Variants in CAMK4 observed in about 807,000 individuals in gnomAD.
CAMK4 encodes the protein calcium/calmodulin dependent protein kinase IV.
In CAMK4, 22 loss-of-function variants were observed where a neutral mutation model predicts 44.9. The ratio of observed to expected loss-of-function variants is 0.49; its 90% CI spans 0.35 to 0.70. CAMK4 has a LOEUF of 0.70. CAMK4 is among the 30% of genes least tolerant of loss of function. CAMK4 has a pLI of 0.01. For synonymous variants in CAMK4, 218 were observed against 215.4 expected, an observed-to-expected ratio of 1.01 and a Z score of -0.11; for missense variants, 498 against 586.8, an observed-to-expected ratio of 0.85 and a Z score of 1.56.
intron 1 of CAMK4, among the ~76,000 whole-genome samples, chr5:111,254,855 C>T (rs1045398398): frequency 2.6e-5 from 4 of 152,074 alleles, no homozygotes; most frequent in African/African-American, 7.2e-5. Context: ...GTCAGGTTCT[C>T]GGGATTTCCC....
intron 1 of CAMK4, among the ~76,000 whole-genome samples, chr5:111,315,123 G>A (rs1580575378): frequency 1.3e-5 from 2 of 152,196 alleles, no homozygotes; most frequent in South Asian, 4.2e-4. Context: ...TTTGAAGTGT[G>A]TGTGCATTTG....
At chr5:111,445,866 T>C (rs1306076963) in intron 5 of CAMK4, among the ~76,000 whole-genome samples, 1 of 136,384 alleles carries the variant, frequency 7.3e-6, no homozygotes, top group Non-Finnish European at 1.7e-5. Context: ...CGTTTGTAAA[T>C]GCATAGAAAA....
intron 8 of CAMK4, among the ~76,000 whole-genome samples, chr5:111,477,218 G>T (rs31622): frequency 2.6e-5 from 4 of 152,108 alleles, no homozygotes; most frequent in Admixed American, 6.5e-5. Flanking sequence ...TTGGCCCAGG[G>T]GTCTGCACTG....
At position 111,396,631 on chromosome 5, in the gene CAMK4, C is replaced by CTTTTTTTTTTTTTTTTTT. The variant is rs540495109; in HGVS notation, c.459+1859_459+1876dup. On this transcript the variant is annotated intron_variant, in intron 5 of 10. Coordinates refer to ENST00000282356, the MANE Select transcript of CAMK4 (RefSeq NM_001744.6). Reference sequence around the variant, plus strand: ...ACTTTAATTGCCATTAACTCATATTCTTTTTTTTTTTTTTTTTTTTTTTTT... The same window carrying CTTTTTTTTTTTTTTTTTT: ...ACTTTAATTGCCATTAACTCATATTCTTTTTTTTTTTTTTTTTTTTTTTTTTTTTTTTTTTTTTTTTTT... Among the ~76,000 whole-genome samples the CTTTTTTTTTTTTTTTTTT allele has an allele frequency of 1.7e-3, 80 of 47,014 alleles. 25 individuals are homozygous for CTTTTTTTTTTTTTTTTTT. Among genetic ancestry groups the CTTTTTTTTTTTTTTTTTT allele is most frequent in the Non-Finnish European group, 2.2e-3 (61 of 27,862 alleles). 30.8% of individuals were successfully genotyped at this position (47,014 alleles called of 152,430 possible).
At chr5:111,310,319 T>A (rs1361367794) in intron 1 of CAMK4, among the ~76,000 whole-genome samples, 1 of 152,208 alleles carries the variant, frequency 6.6e-6, no homozygotes, top group African/African-American at 2.4e-5. Flanking sequence ...AATAAAGTGT[T>A]ATCTGTGTAC....
At chr5:111,264,540 A>G (rs1750143883) in intron 1 of CAMK4, among the ~76,000 whole-genome samples, 1 of 152,124 alleles carries the variant, frequency 6.6e-6, no homozygotes, top group Admixed American at 6.5e-5. Flanking sequence ...CAGTGCTTTG[A>G]GAGTCTTATT....
At chr5:111,355,915 G>A (rs1405148957) in intron 2 of CAMK4, among the ~76,000 whole-genome samples, 42 of 107,512 alleles carry the variant, frequency 3.9e-4, no homozygotes, top group South Asian at 2.1e-3. Flanking sequence ...TTGGACATTT[G>A]GGTTGGTTCC....
chr5:111,451,692 G>A (rs1331525234), intron 7 of CAMK4, among the ~76,000 whole-genome samples: 1 of 152,006 alleles, frequency 6.6e-6, no homozygotes, highest in East Asian at 1.9e-4. Flanking sequence ...TTGCTTGAGG[G>A]TCAGAATTCA....
At chr5:111,420,740 C>T (rs1724161407) in intron 5 of CAMK4, among the ~76,000 whole-genome samples, 1 of 152,162 alleles carries the variant, frequency 6.6e-6, no homozygotes, top group African/African-American at 2.4e-5. Context: ...CGATATTTCT[C>T]CCATTTGCTT....
Position 111,482,936 on chromosome 5 carries a change from A to C in CAMK4, c.980A>C (p.Lys327Thr). ...GAATTCAATGCCCGGCGTAAGCTTA[A>C]GGTAAGATAGCATATATTTTGTTTT... ...LQEFNARRKL[K>T]AAVKAVVASS... is the part of the protein sequence containing the mutation. The change falls in exon 10 of 11, where the codon AAG becomes ACG. Residue 327 changes from lysine to threonine, a missense_variant and splice_region_variant. This residue lies in a region of CAMK4 where 203 missense variants were observed against 298.2 expected (regional missense o/e 0.68). Transcript: ENST00000282356. The surrounding 1 kb of genome is among the most constrained non-coding windows in gnomAD (Gnocchi z 4.9). The C allele has an allele frequency of 6.3e-7, 1 of 1,594,960 alleles. No homozygotes were observed. Among genetic ancestry groups the C allele is most frequent in the Middle Eastern group, 1.7e-4 (1 of 5,970 alleles).
intron 1 of CAMK4, among the ~76,000 whole-genome samples, chr5:111,247,632 T>G (rs899679389): frequency 1.3e-5 from 2 of 152,068 alleles, no homozygotes; most frequent in African/African-American, 4.8e-5. Flanking sequence ...GAACTAATAC[T>G]ATAGCTTTGA....
At chr5:111,480,821 T>C (rs1295373242) in intron 9 of CAMK4, among the ~76,000 whole-genome samples, 1 of 152,198 alleles carries the variant, frequency 6.6e-6, no homozygotes, top group Non-Finnish European at 1.5e-5. Flanking sequence ...CTTCCATTTC[T>C]TTTCACCCTT....
intron 1 of CAMK4, among the ~76,000 whole-genome samples, chr5:111,259,888 AG>A (rs1055452805): frequency 7.2e-5 from 11 of 152,204 alleles, no homozygotes; most frequent in African/African-American, 2.7e-4. Flanking sequence ...CATATGTGTT[AG>A]GAAAAATGCC....
At chr5:111,326,007 G>T (rs1295893740) in intron 1 of CAMK4, among the ~76,000 whole-genome samples, 3 of 151,976 alleles carry the variant, frequency 2.0e-5, no homozygotes, top group African/African-American at 7.2e-5. Context: ...TTTTAAAAAG[G>T]TTTACAATTA....
chr5:111,464,478 C>T (rs73789605), intron 7 of CAMK4, among the ~76,000 whole-genome samples: 1,750 of 152,218 alleles, frequency 0.011, 30 homozygotes, highest in African/African-American at 0.039. Flanking sequence ...GTACAGGAAG[C>T]TCAAAGAATA....
chr5:111,391,057 G>T (rs1488869052), intron 4 of CAMK4, among the ~76,000 whole-genome samples: 1 of 152,166 alleles, frequency 6.6e-6, no homozygotes, highest in East Asian at 1.9e-4. Flanking sequence ...AGTACAAGGG[G>T]TGCACCTGCA....
intron 1 of CAMK4, among the ~76,000 whole-genome samples, chr5:111,288,449 C>T (rs558119074): frequency 6.6e-6 from 1 of 152,278 alleles, no homozygotes; most frequent in African/African-American, 2.4e-5. Flanking sequence ...GTCTCCATTA[C>T]CTCACATCTT....
intron 1 of CAMK4, among the ~76,000 whole-genome samples, chr5:111,253,361 G>T (rs913471230): frequency 4.6e-5 from 7 of 152,176 alleles, no homozygotes; most frequent in African/African-American, 1.7e-4. Context: ...GGTGCCGGCT[G>T]CCCTGCTTGC....
At chr5:111,235,122 C>CT (rs1212742428) in intron 1 of CAMK4, among the ~76,000 whole-genome samples, 2 of 152,100 alleles carry the variant, frequency 1.3e-5, no homozygotes, top group Non-Finnish European at 2.9e-5. Context: ...GTTTGCCTTA[C>CT]TTTTACTGAT....
Sources: allele counts gnomAD v4.1 joint callset (sites outside exome capture counted in the v4.1 genomes callset), GRCh38; gene constraint gnomAD v4.1.1; regional missense constraint gnomAD v4.1.1; non-coding constraint Gnocchi (gnomAD v3.1); transcripts MANE v1.5; gene names NCBI Gene and HGNC (gene_info 2026-07-23, HGNC 2026-07-21).